The following ADAMTS3 variants were observed in gnomAD, a reference collection of about 807,000 sequenced individuals.
ADAMTS3 encodes the protein A disintegrin and metalloproteinase with thrombospondin motifs 3.
Under a neutral mutation model 129.0 loss-of-function variants are expected in ADAMTS3, and 73 were observed. The observed-to-expected ratio is 0.57, with a 90% CI of 0.47 to 0.69. ADAMTS3 has a LOEUF of 0.69. ADAMTS3 is among the 30% of genes least tolerant of loss of function. The pLI is 0.00. For missense variants in ADAMTS3, 1,457 were observed against 1,514.5 expected (o/e 0.96, Z 0.63); for synonymous variants, 477 against 510.8 (o/e 0.93, Z 0.89).
At chr4:72,433,010 A>G (rs966549249) in intron 3 of ADAMTS3, among the ~76,000 whole-genome samples, 5 of 152,002 alleles carry the variant, frequency 3.3e-5, no homozygotes, top group Admixed American at 1.3e-4. Context: ...CATTCTTTCA[A>G]TGAAATCCTA....
At chr4:72,463,742 A>G (rs1457262910) in intron 3 of ADAMTS3, among the ~76,000 whole-genome samples, 1 of 151,130 alleles carries the variant, frequency 6.6e-6, no homozygotes, top group Non-Finnish European at 1.5e-5. Context: ...CTTTCAAATA[A>G]AGATTTCCTC....
At chr4:72,391,195 G>A (rs952115454) in intron 4 of ADAMTS3, among the ~76,000 whole-genome samples, 8 of 152,162 alleles carry the variant, frequency 5.3e-5, no homozygotes, top group African/African-American at 1.9e-4. Context: ...TTAGAGGGAA[G>A]AAAATCCATC....
At position 72,283,151 on chromosome 4, in the gene ADAMTS3, G is replaced by A; in HGVS notation, c.3603C>T (p.Ser1201=). Residue 1201 remains serine, a synonymous_variant, in exon 22 of 22, where the codon TCC becomes TCT. Transcript: ENST00000286657. ...IIDNRRPTRS[S]TLER ...GTTCACTTTCTCATCTTTCTAAGGT[G>A]GATGATCTTGTCGGACGTCTGTTGT... 6.2e-7 allele frequency: 1 copy of A among 1,608,026 alleles called. No individual in the cohort carries two copies. Among genetic ancestry groups the A allele is most frequent in the East Asian group, 2.2e-5 (1 of 44,834 alleles).
chr4:72,345,129 T>C (rs1341396906), intron 4 of ADAMTS3, among the ~76,000 whole-genome samples: 1 of 152,156 alleles, frequency 6.6e-6, no homozygotes, highest in Non-Finnish European at 1.5e-5. Context: ...TAGTGCATCA[T>C]TTCAGAAAAT....
At chr4:72,402,455 T>C (rs898392418) in intron 4 of ADAMTS3, among the ~76,000 whole-genome samples, 7 of 152,174 alleles carry the variant, frequency 4.6e-5, no homozygotes, top group Admixed American at 3.9e-4. Context: ...AAATTTATCA[T>C]TTGTAATTTA....
Position 72,295,601 on chromosome 4 carries a change from C to T in ADAMTS3, c.2723+53G>A, listed in dbSNP as rs1718783629. ...AATCAAAACTAAAAAGAGCTAAAGG[C>T]AGTGAAGTCCTGATTTTGACCTCCA... On this transcript the variant is annotated intron_variant, in intron 19 of 21. Transcript: ENST00000286657. 3 of 1,560,494 alleles carry T rather than the reference C, an allele frequency of 1.9e-6. No individual in the cohort carries two copies. In the South Asian group the frequency reaches 3.6e-5, roughly 19 times the overall value.
chr4:72,283,694 A>G lies in ADAMTS3; in HGVS notation c.3060T>C (p.Cys1020=). ...CQLPPCNDEP[C]LGDKSIFCQM... is the part of the protein sequence containing the mutation. ...GACAGAATATGGACTTGTCTCCCAA[A>G]CATGGTTCATCTGCAAAAATAAAAA... is the stretch of plus-strand genomic sequence containing the variant. Residue 1020 remains cysteine (C), a synonymous_variant, in exon 22 of 22, where the codon TGT becomes TGC. Transcript: ENST00000286657. 2 of 1,570,210 alleles carry G rather than the reference A, an allele frequency of 1.3e-6. No homozygotes were observed. Among genetic ancestry groups the G allele is most frequent in the Non-Finnish European group, 1.7e-6 (2 of 1,153,474 alleles).
rs200512428 is a variant in ADAMTS3, at chr4:72,555,140, G to A, written c.98-6256C>T. On this transcript the variant is annotated intron_variant, in intron 2 of 21. Transcript: ENST00000286657. ...CTTTTTCACGTCAGACCTAAAATTTGCTTAAAGACCATCTACTAATCAAAC... is the reference window on the plus strand; with the variant it reads ...CTTTTTCACGTCAGACCTAAAATTTACTTAAAGACCATCTACTAATCAAAC... Among the ~76,000 whole-genome samples the A allele has an allele frequency of 1.1e-4, 16 of 151,796 alleles. 1 individual carries two copies. The East Asian group carries it at 2.3e-3, about 22-fold the overall frequency.
chr4:72,472,224 C>G (rs998753773), intron 3 of ADAMTS3, among the ~76,000 whole-genome samples: 2 of 152,068 alleles, frequency 1.3e-5, no homozygotes, highest in Non-Finnish European at 2.9e-5. Flanking sequence ...CTTATATTTG[C>G]TAAGGCCAAA....
intron 3 of ADAMTS3, chr4:72,441,653 C>G (rs1718119803): frequency 6.6e-6 from 1 of 151,752 alleles, no homozygotes; most frequent in African/African-American, 2.4e-5. Flanking sequence ...ATTAGGAGTG[C>G]CCTGTTCCTG....
intron 3 of ADAMTS3, among the ~76,000 whole-genome samples, chr4:72,485,586 T>C (rs1286384961): frequency 6.6e-6 from 1 of 152,190 alleles, no homozygotes. Context: ...CCAGTACTCT[T>C]GTTTCCTAAC....
chr4:72,498,646 C>G lies in ADAMTS3; in HGVS notation c.504+49832G>C, dbSNP rs1719931045. Among the ~76,000 whole-genome samples, 2 of 151,278 alleles carry G rather than the reference C, an allele frequency of 1.3e-5. 1 individual carries two copies. The highest frequency in any genetic ancestry group is 2.9e-5 in the Non-Finnish European group (2 of 67,870). ...CCTCTCTCTCTCTCACTCTCTCTCT[C>G]TTTCTCACACGCACACACACACGCA... On this transcript the variant is annotated intron_variant, in intron 3 of 21. Transcript: ENST00000286657.
At position 72,493,316 on chromosome 4, in the gene ADAMTS3, A is replaced by T. The variant is rs535384904; in HGVS notation, c.504+55162T>A. On this transcript the variant is annotated intron_variant, in intron 3 of 21. Coordinates refer to ENST00000286657, the MANE Select transcript of ADAMTS3 (RefSeq NM_014243.3). Reference sequence around the variant, plus strand: ...TTTGTCTGTCTCATCCTCTTTTGTTATCTTCCTTTGTTATTCTATTTTTGT... The same window carrying T: ...TTTGTCTGTCTCATCCTCTTTTGTTTTCTTCCTTTGTTATTCTATTTTTGT... Among the ~76,000 whole-genome samples the T allele has an allele frequency of 4.0e-5, 6 of 151,694 alleles. No homozygotes were observed. The South Asian group carries it at 1.2e-3, about 32-fold the overall frequency.
intron 4 of ADAMTS3, among the ~76,000 whole-genome samples, chr4:72,358,409 T>A (rs1260858171): frequency 1.3e-5 from 2 of 151,978 alleles, no homozygotes; most frequent in East Asian, 1.9e-4. Flanking sequence ...AGACTGTATT[T>A]CAAGAAGCAC....
chr4:72,537,274 T>C (rs986057315), intron 3 of ADAMTS3, among the ~76,000 whole-genome samples: 1 of 152,234 alleles, frequency 6.6e-6, no homozygotes, highest in African/African-American at 2.4e-5. Context: ...ATCCATGCCC[T>C]GATCACTGAT....
intron 3 of ADAMTS3, among the ~76,000 whole-genome samples, chr4:72,485,806 G>T (rs761935096): frequency 6.6e-6 from 1 of 152,128 alleles, no homozygotes; most frequent in South Asian, 2.1e-4. Flanking sequence ...GCCTTTGGGA[G>T]GTAATAAGGT....
At chr4:72,468,982 A>G (rs183089413) in intron 3 of ADAMTS3, among the ~76,000 whole-genome samples, 311 of 152,258 alleles carry the variant, frequency 2.0e-3, no homozygotes, top group African/African-American at 7.1e-3. Flanking sequence ...ATGGTTGTTC[A>G]TAACTTTTCA....
chr4:72,505,200 TTA>T (rs1465039478), intron 3 of ADAMTS3, among the ~76,000 whole-genome samples: 3 of 152,190 alleles, frequency 2.0e-5, no homozygotes, highest in African/African-American at 7.2e-5. Context: ...ATTCTAATTT[TTA>T]TAGTTATTTT....
At chr4:72,499,966 T>C (rs1207046907) in intron 3 of ADAMTS3, among the ~76,000 whole-genome samples, 1 of 152,206 alleles carries the variant, frequency 6.6e-6, no homozygotes, top group Non-Finnish European at 1.5e-5. Flanking sequence ...TCATTCCTTT[T>C]TATTGCTGCA....
Sources: allele counts gnomAD v4.1 joint callset (sites outside exome capture counted in the v4.1 genomes callset), GRCh38; gene constraint gnomAD v4.1.1; transcripts MANE v1.5; gene names NCBI Gene and HGNC (gene_info 2026-07-23, HGNC 2026-07-21).